The following GNAQ variants were observed in gnomAD, a reference collection of about 807,000 sequenced individuals.
The protein encoded by GNAQ is guanine nucleotide-binding protein G(q) subunit alpha.
Under a neutral mutation model 43.9 loss-of-function variants are expected in GNAQ, and 8 were observed. That is an observed-to-expected ratio of 0.18 (90% CI 0.11 to 0.33). The LOEUF is 0.33. GNAQ is among the 10% of genes least tolerant of loss of function. The probability of loss-of-function intolerance (pLI) is 1.00; values close to 1 mark genes in which losing one functional copy is unlikely to be tolerated. For synonymous variants in GNAQ, 155 were observed against 170.7 expected, an observed-to-expected ratio of 0.91 and a Z score of 0.71; for missense variants, 158 against 450.8, an observed-to-expected ratio of 0.35 and a Z score of 5.88.
At chr9:77,736,807 G>A (rs934916592) in intron 5 of GNAQ, among the ~76,000 whole-genome samples, 2 of 152,030 alleles carry the variant, frequency 1.3e-5, no homozygotes, top group African/African-American at 4.8e-5. Context: ...TTTCCGATGT[G>A]GAAGCCCACA....
At chr9:77,956,324 A>T (rs1823039816) in intron 1 of GNAQ, among the ~76,000 whole-genome samples, 1 of 152,216 alleles carries the variant, frequency 6.6e-6, no homozygotes. Context: ...ACAATTCTTG[A>T]TTACTTGTAC....
Position 77,890,664 on chromosome 9 carries a change from G to A in GNAQ, c.321+31497C>T, listed in dbSNP as rs1239338519. Among the ~76,000 whole-genome samples, 14 of 152,058 alleles carry A rather than the reference G, an allele frequency of 9.2e-5. No homozygotes were observed. The South Asian group carries it at 1.9e-3, about 20-fold the overall frequency. Reference sequence around the variant, plus strand: ...CTTGAACCCAGGAGGCGGAGGTTGCGGTGAGCCGAGATCACACCATTGCAC... The same window carrying A: ...CTTGAACCCAGGAGGCGGAGGTTGCAGTGAGCCGAGATCACACCATTGCAC... On this transcript the variant is annotated intron_variant, in intron 2 of 6. Transcript: ENST00000286548.
chr9:77,819,302 C>T (rs531482058), intron 2 of GNAQ, among the ~76,000 whole-genome samples: 2 of 152,132 alleles, frequency 1.3e-5, no homozygotes, highest in South Asian at 2.1e-4. Context: ...CAGATTCAGT[C>T]GTCATAAAAT....
chr9:77,933,166 T>C (rs894108757), intron 1 of GNAQ, among the ~76,000 whole-genome samples: 2 of 152,192 alleles, frequency 1.3e-5, no homozygotes. Context: ...GCGATTTGTG[T>C]CCTACATTCT....
intron 6 of GNAQ, among the ~76,000 whole-genome samples, chr9:77,722,351 G>C (rs1029201967): frequency 6.6e-6 from 1 of 152,008 alleles, no homozygotes; most frequent in Admixed American, 6.5e-5. Context: ...TGGCCAGGCT[G>C]TTCTCAAACT....
At chr9:77,982,039 G>A (rs1823374722) in intron 1 of GNAQ, among the ~76,000 whole-genome samples, 1 of 152,152 alleles carries the variant, frequency 6.6e-6, no homozygotes, top group Non-Finnish European at 1.5e-5. Flanking sequence ...TTCCTACCTG[G>A]AAGCTGGGTC....
At chr9:77,798,136 C>A (rs1376180244) in intron 3 of GNAQ, among the ~76,000 whole-genome samples, 1 of 152,120 alleles carries the variant, frequency 6.6e-6, no homozygotes, top group Non-Finnish European at 1.5e-5. Context: ...CAGCAGGCTA[C>A]AGTGTCCTAA....
intron 5 of GNAQ, among the ~76,000 whole-genome samples, chr9:77,767,214 C>T (rs140613429): frequency 6.8e-4 from 104 of 152,174 alleles, no homozygotes; most frequent in African/African-American, 2.4e-3. Context: ...TTTTCAACCT[C>T]GACACTACTG....
rs1824067307 is a variant in GNAQ, at chr9:78,031,802, GC to G, written c.-568del. On this transcript the variant is annotated 5_prime_UTR_variant, in exon 1 of 7. Transcript: ENST00000286548. ...CGCGCGCAGACCCGGTTCCCGTCCC[GC>G]CCGGCAACCGCGCGCTCCTCCGCCT... Among the ~76,000 whole-genome samples the G allele has an allele frequency of 6.8e-6, 1 of 147,810 alleles. No individual in the cohort carries two copies. The highest frequency in any genetic ancestry group is 1.5e-5 in the Non-Finnish European group (1 of 66,530).
At chr9:77,946,756 G>A (rs7035689) in intron 1 of GNAQ, among the ~76,000 whole-genome samples, 33,690 of 152,200 alleles carry the variant, frequency 0.22, 3,898 homozygotes, top group South Asian at 0.37. Flanking sequence ...AGTAACACAT[G>A]GGTTAAAGCC....
At chr9:77,863,272 G>C (rs1335650797) in intron 2 of GNAQ, among the ~76,000 whole-genome samples, 2 of 151,828 alleles carry the variant, frequency 1.3e-5, no homozygotes, top group Non-Finnish European at 2.9e-5. Flanking sequence ...TCTTCCACCA[G>C]ATACTCTAAA....
chr9:77,910,502 T>C (rs1036108610), intron 2 of GNAQ, among the ~76,000 whole-genome samples: 2 of 152,212 alleles, frequency 1.3e-5, no homozygotes, highest in African/African-American at 2.4e-5. Flanking sequence ...ACATGTGTTT[T>C]ATATGGTGGC....
intron 2 of GNAQ, among the ~76,000 whole-genome samples, chr9:77,912,383 C>T (rs912707743): frequency 1.3e-5 from 2 of 152,162 alleles, no homozygotes; most frequent in Non-Finnish European, 2.9e-5. Flanking sequence ...TTACCTTATA[C>T]CATACTCTAT....
At chr9:77,825,571 G>A (rs1827181170) in intron 2 of GNAQ, among the ~76,000 whole-genome samples, 1 of 152,166 alleles carries the variant, frequency 6.6e-6, no homozygotes, top group Non-Finnish European at 1.5e-5. Flanking sequence ...CATATTAGCA[G>A]GAATGCCCAC....
At chr9:77,836,997 A>T (rs1827398407) in intron 2 of GNAQ, among the ~76,000 whole-genome samples, 1 of 152,178 alleles carries the variant, frequency 6.6e-6, no homozygotes, top group Admixed American at 6.5e-5. Context: ...CAAAATTATG[A>T]TGTTCTCTAT....
intron 1 of GNAQ, among the ~76,000 whole-genome samples, chr9:77,946,096 G>C (rs147031741): frequency 6.6e-6 from 1 of 152,160 alleles, no homozygotes; most frequent in East Asian, 1.9e-4. Context: ...TGACGCAGAG[G>C]AGAGAGGACC....
chr9:77,819,335 G>C (rs527255703), intron 2 of GNAQ, among the ~76,000 whole-genome samples: 142 of 152,258 alleles, frequency 9.3e-4, no homozygotes, highest in African/African-American at 3.2e-3. Flanking sequence ...TCGATGTGTT[G>C]ATGTTTCCAT....
At chr9:77,840,272 G>A (rs1393488652) in intron 2 of GNAQ, among the ~76,000 whole-genome samples, 2 of 151,804 alleles carry the variant, frequency 1.3e-5, no homozygotes, top group African/African-American at 4.8e-5. Context: ...GAATTAGCAT[G>A]TAGATAGATG....
rs76689222 is a variant in GNAQ at position 77,815,304 on chromosome 9, A to G, written c.476+312T>C. ...TTACAAGATTTCAAATCACAATGGC[A>G]TATGTGAGAATTGCTAGTTTGCAAT... On this transcript the variant is annotated intron_variant, in intron 3 of 6. Coordinates refer to ENST00000286548, the MANE Select transcript of GNAQ (RefSeq NM_002072.5). 2.8e-3 allele frequency among the ~76,000 whole-genome samples: 425 copies of G among 152,300 alleles called. 2 individuals carry two copies. Among genetic ancestry groups the G allele is most frequent in the Non-Finnish European group, 3.8e-3 (259 of 68,026 alleles).
Sources: gnomAD v4.1 joint callset for allele counts (sites outside exome capture counted in the v4.1 genomes callset) on GRCh38, gnomAD v4.1.1 for gene constraint, MANE v1.5 for transcripts, NCBI Gene and HGNC (gene_info 2026-07-23, HGNC 2026-07-21) for gene names.